Variants in ADAMTS13 observed in about 807,000 individuals in gnomAD.
ADAMTS13 encodes A disintegrin and metalloproteinase with thrombospondin motifs 13.
Under a neutral mutation model 155.1 loss-of-function variants are expected in ADAMTS13, and 110 were observed. The observed-to-expected ratio is 0.71, with a 90% CI of 0.61 to 0.83. The LOEUF (loss-of-function observed/expected upper bound fraction) is 0.83, where lower values mean the gene tolerates loss of function less well. Ranked by LOEUF, ADAMTS13 falls within the 40% of genes least tolerant of loss-of-function variation. The probability of loss-of-function intolerance (pLI) is 0.00; values close to 1 mark genes in which losing one functional copy is unlikely to be tolerated. For missense variants in ADAMTS13, 1,707 were observed against 1,891.7 expected (o/e 0.90, Z 1.81); for synonymous variants, 758 against 756.4 (o/e 1.00, Z -0.03).
intron 28 of ADAMTS13, 64 bp downstream of exon 28, chr9:133,458,158 T>C: frequency 6.3e-7 from 1 of 1,580,428 alleles, no homozygotes; most frequent in African/African-American, 1.3e-5. Flanking sequence ...CGTGCAGGGC[T>C]AGGGGACCCC....
upstream of ADAMTS13, among the ~76,000 whole-genome samples, chr9:133,421,085 G>A (rs2130764129): frequency 6.6e-6 from 1 of 152,278 alleles, no homozygotes; most frequent in African/African-American, 2.4e-5. Flanking sequence ...GGCCAACATG[G>A]CGAAACCCCA....
chr9:133,432,412 G>A (rs1016669935), intron 8 of ADAMTS13, among the ~76,000 whole-genome samples, 176 bp from the exon 9 acceptor site: 3 of 152,358 alleles, frequency 2.0e-5, no homozygotes, highest in Admixed American at 6.5e-5. Context: ...TCATGGTCCC[G>A]GTTCCCCATC....
chr9:133,423,794 G>A (rs983421230), intron 2 of ADAMTS13, among the ~76,000 whole-genome samples: 3 of 152,236 alleles, frequency 2.0e-5, no homozygotes, highest in East Asian at 3.8e-4. Flanking sequence ...CACGCTGGGG[G>A]CTGGATGCAG....
At chr9:133,444,045 C>T (rs1841889444) in intron 19 of ADAMTS13, among the ~76,000 whole-genome samples, 1 of 152,122 alleles carries the variant, frequency 6.6e-6, no homozygotes, top group Non-Finnish European at 1.5e-5. Context: ...GGGGATTGGT[C>T]TGGATTGTTG....
At chr9:133,458,942 C>T in intron 28 of ADAMTS13, 32 bp from the exon 29 acceptor site, 2 of 1,591,714 alleles carry the variant, frequency 1.3e-6, no homozygotes, top group Non-Finnish European at 8.6e-7. Flanking sequence ...TTACTTGTGG[C>T]CGGTCCTTCT....
chr9:133,453,798 G>A (rs1310352649), intron 23 of ADAMTS13, among the ~76,000 whole-genome samples: 1 of 152,200 alleles, frequency 6.6e-6, no homozygotes, highest in Non-Finnish European at 1.5e-5. Flanking sequence ...AGGAGGTGGG[G>A]TCTGGTTTGG....
In ADAMTS13 at chr9:133,436,882, C is replaced by T. The variant is rs782355981; in HGVS notation, c.1362C>T (p.Asp454=). Residue 454 remains aspartate (D), a synonymous_variant, in exon 12 of 29, where the codon GAC becomes GAT. Transcript: ENST00000355699. ...TGTCGCAACAGTGCGCCAGGACCGA[C>T]GGCCAGCCGCTGCGCTCCTCCCCTG... The part of the protein sequence containing the change: ...EFMSQQCART[D]GQPLRSSPGG... 3.9e-5 allele frequency: 62 copies of T among 1,586,798 alleles called. 1 individual carries two copies. Among genetic ancestry groups the T allele is most frequent in the South Asian group, 1.9e-4 (17 of 87,212 alleles).
At chr9:133,429,618 C>T (rs922419509) in intron 7 of ADAMTS13, 2 of 513,440 alleles carry the variant, frequency 3.9e-6, no homozygotes, top group Non-Finnish European at 7.4e-6. Context: ...TCTCCCCCAC[C>T]CGCGTACATG....
Position 133,430,121 on chromosome 9 carries a change from C to T in ADAMTS13, c.987+20C>T. ...CACCTGGTGAGTCTGCCGGCGGTGG[C>T]CTGGGATTGGCTGTGAGGTCCCTCC... On this transcript the variant is annotated intron_variant, in intron 8 of 28. Coordinates refer to ENST00000355699, the MANE Select transcript of ADAMTS13 (RefSeq NM_139027.6). 6.4e-7 allele frequency: 1 copy of T among 1,565,748 alleles called. No homozygotes were observed. The highest frequency in any genetic ancestry group is 1.7e-4 in the Middle Eastern group (1 of 5,980).
chr9:133,422,045 G>A (rs1035966977), upstream of ADAMTS13: 16 of 251,114 alleles, frequency 6.4e-5, no homozygotes, highest in African/African-American at 2.5e-4. Flanking sequence ...AGATGGGAGC[G>A]GGGACCCCGG....
intron 23 of ADAMTS13, among the ~76,000 whole-genome samples, chr9:133,450,802 A>G (rs929713154): frequency 6.6e-6 from 1 of 152,194 alleles, no homozygotes; most frequent in South Asian, 2.1e-4. Context: ...CAGTGGCCCA[A>G]GAGCCAGTCT....
intron 2 of ADAMTS13, 24 bp downstream of exon 2, chr9:133,423,191 C>T: frequency 1.2e-6 from 2 of 1,609,646 alleles, no homozygotes; most frequent in Non-Finnish European, 1.7e-6. Context: ...TGTCTTCTCT[C>T]CCGGGGGGAG....
chr9:133,437,800 T>C lies in ADAMTS13; in HGVS notation c.1487T>C (p.Met496Thr). The C allele has an allele frequency of 6.2e-7, 1 of 1,613,984 alleles. No individual in the cohort carries two copies. The highest frequency in any genetic ancestry group is 8.5e-7 in the Non-Finnish European group (1 of 1,180,034). The change falls in exon 13 of 29, where the codon ATG becomes ACG. Residue 496 changes from methionine (M) to threonine (T), a missense_variant. Around this residue, in one of 3 missense-constraint regions of ADAMTS13, gnomAD observed 733 missense variants for 749.6 expected, o/e 0.98. Transcript: ENST00000355699. ...CGGGCCATTGGCGAGAGCTTCATCA[T>C]GAAGCGTGGAGACAGCTTCCTCGAT... is the stretch of plus-strand genomic sequence containing the variant. ...MCRAIGESFIMKRGDSFLDGT... is the reference protein window; with the variant it reads ...MCRAIGESFITKRGDSFLDGT...
chr9:133,417,403 C>CT (rs1839709458), upstream of ADAMTS13, among the ~76,000 whole-genome samples: 1 of 152,252 alleles, frequency 6.6e-6, no homozygotes, highest in Non-Finnish European at 1.5e-5. Context: ...TTTATCTTTG[C>CT]TTTTTTGTAC....
At chr9:133,447,696 C>T (rs1314585808) in intron 21 of ADAMTS13, among the ~76,000 whole-genome samples, 1 of 152,096 alleles carries the variant, frequency 6.6e-6, no homozygotes, top group Non-Finnish European at 1.5e-5. Context: ...TCAAACGATT[C>T]TCATGCCTCA....
upstream of ADAMTS13, among the ~76,000 whole-genome samples, chr9:133,419,581 T>G (rs1839861516): frequency 6.6e-6 from 1 of 151,970 alleles, no homozygotes; most frequent in Non-Finnish European, 1.5e-5. Context: ...GAGCAGTCAG[T>G]GCAGTGGGAG....
At position 133,428,641 on chromosome 9, in the gene ADAMTS13, C is replaced by G. The variant is rs1231520017; in HGVS notation, c.694C>G (p.Leu232Val). The G allele has an allele frequency of 7.5e-7, 1 of 1,340,322 alleles. No individual in the cohort carries two copies. Among genetic ancestry groups the G allele is most frequent in the Non-Finnish European group, 9.6e-7 (1 of 1,040,956 alleles). 83.0% of individuals were successfully genotyped at this position (1,340,322 alleles called of 1,614,324 possible). A position where few individuals can be genotyped will look rare whatever the true frequency, so the allele number is the denominator to read the frequency against. The change falls in exon 7 of 29, where the codon CTG becomes GTG. Residue 232 changes from leucine to valine, a missense_variant. By Grantham distance (32) the Leu-to-Val change is conservative (BLOSUM62 1). Coordinates refer to ENST00000355699, the MANE Select transcript of ADAMTS13 (RefSeq NM_139027.6). ...TCCCCGCCCCCCGACCAGCTTCGGC[C>G]TGGAGCACGACGGCGCGCCCGGCAG... ...IAHEIGHSFG[L>V]EHDGAPGSGC...
intron 1 of ADAMTS13, 84 bp from the exon 2 acceptor site, chr9:133,423,017 C>T (rs1469274865): frequency 1.1e-5 from 12 of 1,139,146 alleles, no homozygotes; most frequent in Admixed American, 1.8e-5. Context: ...CTCAAGTGAT[C>T]CTCCCACCTC....
rs1554790367 is a variant in ADAMTS13 at position 133,440,414 on chromosome 9, C to T, written c.1857C>T (p.Ser619=). ...MSISPNTTYP[S]LLEDGRVEYR... is the part of the protein sequence containing the mutation. The stretch of plus-strand genomic sequence containing the variant: ...TCTCCCCTAACACCACCTACCCCTC[C>T]CTCCTGGAGGATGGTCGTGTCGAGT... Residue 619 remains serine, a synonymous_variant, in exon 16 of 29, where the codon TCC becomes TCT. Coordinates refer to ENST00000355699, the MANE Select transcript of ADAMTS13 (RefSeq NM_139027.6). The surrounding 1 kb of genome is among the most constrained non-coding windows in gnomAD (Gnocchi z 4.3). 1.5e-5 allele frequency: 25 copies of T among 1,613,942 alleles called. No individual in the cohort carries two copies. The highest frequency in any genetic ancestry group is 1.9e-5 in the Non-Finnish European group (23 of 1,180,014).
Sources: allele counts gnomAD v4.1 joint callset (sites outside exome capture counted in the v4.1 genomes callset), GRCh38; gene constraint gnomAD v4.1.1; regional missense constraint gnomAD v4.1.1; non-coding constraint Gnocchi (gnomAD v3.1); transcripts MANE v1.5; gene names NCBI Gene and HGNC (gene_info 2026-07-23, HGNC 2026-07-21).